Variants in DNAH5 observed in about 807,000 individuals in gnomAD.
DNAH5 encodes dynein axonemal heavy chain 5.
In DNAH5, 372 loss-of-function variants were observed where a neutral mutation model predicts 518.2. The observed-to-expected ratio is 0.72, with a 90% CI of 0.66 to 0.78. The LOEUF (loss-of-function observed/expected upper bound fraction) is 0.78, where lower values mean the gene tolerates loss of function less well. Ranked by LOEUF, DNAH5 falls within the 30% of genes least tolerant of loss-of-function variation. DNAH5 has a pLI of 0.00. For synonymous variants in DNAH5, 2,039 were observed against 2,025.9 expected (o/e 1.01, Z -0.17); for missense variants, 5,523 against 5,687.0 (o/e 0.97, Z 0.93).
chr5:13,714,681 CTA>C, intron 74 of DNAH5, 61 bp from the exon 75 acceptor site: 1 of 1,546,468 alleles, frequency 6.5e-7, no homozygotes, highest in East Asian at 2.3e-5. Context: ...CTAAATTACA[CTA>C]TTTTAGGAAA....
chr5:13,806,972 T>C (rs1192110816), intron 47 of DNAH5, among the ~76,000 whole-genome samples: 1 of 152,164 alleles, frequency 6.6e-6, no homozygotes, highest in Admixed American at 6.5e-5. Flanking sequence ...AGTGGCATTC[T>C]AGGAAGTAAG....
At chr5:13,850,562 A>T in intron 31 of DNAH5, 90 bp downstream of exon 31, 1 of 1,186,536 alleles carries the variant, frequency 8.4e-7, no homozygotes, top group Admixed American at 1.8e-5. Flanking sequence ...GCCTTAGCAA[A>T]AGAAAACAAA....
At position 13,901,245 on chromosome 5, in the gene DNAH5, G is replaced by C. The variant is rs748368893; in HGVS notation, c.2052+7C>G. The C allele has an allele frequency of 3.7e-6, 6 of 1,612,510 alleles. No homozygotes were observed. The highest frequency in any genetic ancestry group is 1.3e-5 in the African/African-American group (1 of 75,036). On this transcript the variant is annotated splice_region_variant and intron_variant, in intron 14 of 78. Transcript: ENST00000265104. ...ACAATGGGAAGAGTATAAATTTAGG[G>C]ACTCACTTGCCGAAGCCACGCCCTG...
intron 74 of DNAH5, among the ~76,000 whole-genome samples, chr5:13,714,874 A>G (rs1744083800): frequency 6.6e-6 from 1 of 152,132 alleles, no homozygotes; most frequent in Non-Finnish European, 1.5e-5. Flanking sequence ...ATCAAGAGAG[A>G]CTGTCTTGTT....
At chr5:13,762,279 C>T (rs992975866) in intron 60 of DNAH5, among the ~76,000 whole-genome samples, 10 of 152,190 alleles carry the variant, frequency 6.6e-5, no homozygotes, top group African/African-American at 1.9e-4. Context: ...GGGAGGAATA[C>T]ATCACGTCTT....
intron 1 of DNAH5, among the ~76,000 whole-genome samples, chr5:13,975,144 T>A (rs1782151248): frequency 6.6e-6 from 1 of 152,216 alleles, no homozygotes; most frequent in African/African-American, 2.4e-5. Flanking sequence ...AAGAGGTTTA[T>A]TGGACTTACA....
rs749171065 is a variant in DNAH5, at chr5:13,691,970, A to G, written c.*14T>C. 4 of 1,613,874 alleles carry G rather than the reference A, an allele frequency of 2.5e-6. No individual in the cohort carries two copies. The highest frequency in any genetic ancestry group is 2.2e-5 in the East Asian group (1 of 44,864). On this transcript the variant is annotated 3_prime_UTR_variant, in exon 79 of 79. Coordinates refer to ENST00000265104, the MANE Select transcript of DNAH5 (RefSeq NM_001369.3). Reference sequence around the variant, plus strand: ...GCATTTTCCAAAGCATTGGGTGGGGACACTCCCCACATGTTACTTGACATC... The same window carrying G: ...GCATTTTCCAAAGCATTGGGTGGGGGCACTCCCCACATGTTACTTGACATC...
rs115857691 is a variant in DNAH5, at chr5:13,781,220, C to G, written c.8821-261G>C. On this transcript the variant is annotated intron_variant, in intron 52 of 78. Coordinates refer to ENST00000265104, the MANE Select transcript of DNAH5 (RefSeq NM_001369.3). ...CAGGGCAGAAAAGTCAACACACAGC[C>G]GAGACCGTGCTTGCTCTGGCTTTTA... 3.0e-3 allele frequency among the ~76,000 whole-genome samples: 452 copies of G among 152,134 alleles called. 3 individuals are homozygous for G. Among genetic ancestry groups the G allele is most frequent in the African/African-American group, 0.01 (428 of 41,502 alleles).
chr5:13,878,810 AT>A (rs1269274952), intron 21 of DNAH5, among the ~76,000 whole-genome samples: 3 of 152,208 alleles, frequency 2.0e-5, no homozygotes, highest in Non-Finnish European at 2.9e-5. Context: ...GATGGCAGGC[AT>A]TTGCCACAGA....
chr5:13,845,015 A>G, intron 31 of DNAH5, 22 bp from the exon 32 acceptor site: 1 of 1,611,596 alleles, frequency 6.2e-7, no homozygotes, highest in Non-Finnish European at 8.5e-7. Flanking sequence ...GGAAAAACAT[A>G]AACCTTTATA....
chr5:13,725,291 G>T (rs1358181476), intron 70 of DNAH5, among the ~76,000 whole-genome samples: 1 of 152,238 alleles, frequency 6.6e-6, no homozygotes, highest in Non-Finnish European at 1.5e-5. Context: ...CTTGGATGAT[G>T]AGTGGGATTT....
intron 17 of DNAH5, among the ~76,000 whole-genome samples, chr5:13,887,379 A>G (rs868230774): frequency 6.6e-6 from 1 of 152,250 alleles, no homozygotes; most frequent in Non-Finnish European, 1.5e-5. Flanking sequence ...AAATTAACAA[A>G]GCAGAATATA....
In DNAH5 at chr5:13,780,878, A is replaced by G. The variant is rs895300799; in HGVS notation, c.8902T>C (p.Leu2968=). The part of the protein sequence containing the change: ...GGSGKQSLTR[L]ASFIAGYVSF... ...ACGTAGCCAGCAATGAATGAAGCCAACCTCGTCAGGCTCTGCTTTCCTGAT... is the reference window on the plus strand; with the variant it reads ...ACGTAGCCAGCAATGAATGAAGCCAGCCTCGTCAGGCTCTGCTTTCCTGAT... The change falls in exon 53 of 79, where the codon TTG becomes CTG. Residue 2968 remains leucine (L), a synonymous_variant. Transcript: ENST00000265104. 3 of 1,613,688 alleles carry G rather than the reference A, an allele frequency of 1.9e-6. No homozygotes were observed. Among genetic ancestry groups the G allele is most frequent in the African/African-American group, 2.7e-5 (2 of 74,896 alleles).
Position 13,719,007 on chromosome 5 carries a change from G to C in DNAH5, c.12374C>G (p.Ala4125Gly). 6.2e-7 allele frequency: 1 copy of C among 1,613,864 alleles called. No individual in the cohort carries two copies. Among genetic ancestry groups the C allele is most frequent in the Non-Finnish European group, 8.5e-7 (1 of 1,179,920 alleles). The change falls in exon 72 of 79, where the codon GCG becomes GGG. Residue 4125 changes from alanine to glycine, a missense_variant. Physicochemically the swap from Ala to Gly is moderately conservative, Grantham distance 60 (BLOSUM62 0). This residue lies in a region of DNAH5 where 5,121 missense variants were observed against 5,223.3 expected (regional missense o/e 0.98). Coordinates refer to ENST00000265104, the MANE Select transcript of DNAH5 (RefSeq NM_001369.3). Reference protein sequence around the residue: ...IIIETELVHDAFRLWMTTEAH... With the variant: ...IIIETELVHDGFRLWMTTEAH... Reference sequence around the variant, plus strand: ...CTCGGTGGTCATCCAGAGGCGGAACGCATCATGTACAAGCTCAGTTTCTAT... The same window carrying C: ...CTCGGTGGTCATCCAGAGGCGGAACCCATCATGTACAAGCTCAGTTTCTAT...
intron 30 of DNAH5, among the ~76,000 whole-genome samples, chr5:13,858,918 C>A (rs1034175712): frequency 6.6e-6 from 1 of 152,094 alleles, no homozygotes; most frequent in Non-Finnish European, 1.5e-5. Context: ...AAATATACTC[C>A]ATATATACCC....
At chr5:13,706,883 G>C (rs554693952) in intron 76 of DNAH5, among the ~76,000 whole-genome samples, 1 of 152,200 alleles carries the variant, frequency 6.6e-6, no homozygotes, top group Non-Finnish European at 1.5e-5. Context: ...GCAGGGAAGT[G>C]CTGGGTAGAG....
intron 21 of DNAH5, 82 bp from the exon 22 acceptor site, chr5:13,876,899 G>T: frequency 7.2e-7 from 1 of 1,386,138 alleles, no homozygotes; most frequent in Non-Finnish European, 1.0e-6. Context: ...TTCTGTGATA[G>T]TAAAGCAAGG....
In DNAH5 at chr5:13,885,088, A is replaced by T. The variant is rs1772212822; in HGVS notation, c.2884T>A (p.Phe962Ile). Residue 962 changes from phenylalanine to isoleucine, a missense_variant, in exon 19 of 79, where the codon TTC (phenylalanine) becomes ATC (isoleucine). By Grantham distance (21) the Phe-to-Ile change is conservative. This residue lies in a region of DNAH5 where 5,121 missense variants were observed against 5,223.3 expected (regional missense o/e 0.98). Coordinates refer to ENST00000265104, the MANE Select transcript of DNAH5 (RefSeq NM_001369.3). ...GEEARELLSH[F>I]NHQNMDALLK... Reference sequence around the variant, plus strand: ...AGAGCATCCATGTTCTGATGGTTGAAATGAGAGAGTAACTCGCGGGCTTCT... The same window carrying T: ...AGAGCATCCATGTTCTGATGGTTGATATGAGAGAGTAACTCGCGGGCTTCT... 6.2e-7 allele frequency: 1 copy of T among 1,614,216 alleles called. No individual in the cohort carries two copies.
intron 76 of DNAH5, among the ~76,000 whole-genome samples, chr5:13,703,774 A>G (rs1742435054): frequency 6.6e-6 from 1 of 152,138 alleles, no homozygotes; most frequent in African/African-American, 2.4e-5. Context: ...AGATAAAGAA[A>G]TTCATCTGGT....
Sources: gnomAD v4.1 joint callset for allele counts (sites outside exome capture counted in the v4.1 genomes callset) on GRCh38, gnomAD v4.1.1 for gene constraint, gnomAD v4.1.1 regional missense constraint, MANE v1.5 for transcripts, NCBI Gene and HGNC (gene_info 2026-07-23, HGNC 2026-07-21) for gene names.